Variants in UNC5C observed in about 807,000 individuals in gnomAD.
The protein encoded by UNC5C is netrin receptor UNC5C.
A neutral mutation model predicts 99.8 loss-of-function variants in UNC5C; 47 were observed. The ratio of observed to expected loss-of-function variants is 0.47; its 90% CI spans 0.37 to 0.60. The LOEUF (loss-of-function observed/expected upper bound fraction) is 0.60, where lower values mean the gene tolerates loss of function less well. Among genes scored for constraint, UNC5C ranks in the 20% least tolerant of loss-of-function variants. The pLI is 0.00. For synonymous variants in UNC5C, 487 were observed against 452.2 expected, an observed-to-expected ratio of 1.08 and a Z score of -0.98; for missense variants, 1,062 against 1,165.9, an observed-to-expected ratio of 0.91 and a Z score of 1.30.
chr4:95,229,797 CTTTTTTTT>C (rs71583694), intron 7 of UNC5C, among the ~76,000 whole-genome samples: 238 of 79,526 alleles, frequency 3.0e-3, no homozygotes, highest in African/African-American at 7.6e-3. Flanking sequence ...CTGTTGTTTC[CTTTTTTTT>C]TTTTTTTTTT....
At chr4:95,285,640 T>C (rs1199210938) in intron 3 of UNC5C, among the ~76,000 whole-genome samples, 1 of 152,206 alleles carries the variant, frequency 6.6e-6, no homozygotes, top group Non-Finnish European at 1.5e-5. Flanking sequence ...TTCAGGTTTA[T>C]TGCTGTTTTT....
In UNC5C at chr4:95,380,443, A is replaced by ATT. The variant is rs10560399; in HGVS notation, c.125-44814_125-44813dup. Reference sequence around the variant, plus strand: ...TCCTCATGTCTAATACTTAAGAAACATTTTTTTTTTTTTTTTTTGAGAGAC... The same window carrying ATT: ...TCCTCATGTCTAATACTTAAGAAACATTTTTTTTTTTTTTTTTTTTGAGAGAC... On this transcript the variant is annotated intron_variant, in intron 1 of 15. Coordinates refer to ENST00000453304, the MANE Select transcript of UNC5C (RefSeq NM_003728.4). Among the ~76,000 whole-genome samples, 359 of 132,934 alleles carry ATT rather than the reference A, an allele frequency of 2.7e-3. 1 individual carries two copies. Among genetic ancestry groups the ATT allele is most frequent in the African/African-American group, 6.0e-3 (216 of 35,956 alleles). The allele number at this position is 132,934 out of a possible 152,430, so 87.2% of individuals were successfully genotyped here.
At chr4:95,246,896 A>G (rs929999189) in intron 5 of UNC5C, among the ~76,000 whole-genome samples, 3 of 151,794 alleles carry the variant, frequency 2.0e-5, no homozygotes, top group Non-Finnish European at 4.4e-5. Flanking sequence ...ACAAAAATTA[A>G]CCAGGTGTGA....
intron 3 of UNC5C, among the ~76,000 whole-genome samples, chr4:95,293,423 C>G (rs1257922215): frequency 6.6e-6 from 1 of 150,708 alleles, no homozygotes; most frequent in Non-Finnish European, 1.5e-5. Context: ...CTGCCTCAGC[C>G]TTCTGGGCTG....
chr4:95,301,221 A>T (rs1165794484), intron 3 of UNC5C, among the ~76,000 whole-genome samples: 1 of 128,564 alleles, frequency 7.8e-6, no homozygotes, highest in African/African-American at 2.9e-5. Flanking sequence ...TTTTTGAGAC[A>T]GTCTTGCTCT....
intron 1 of UNC5C, among the ~76,000 whole-genome samples, chr4:95,515,754 C>T (rs555155873): frequency 2.0e-5 from 3 of 152,092 alleles, no homozygotes; most frequent in Admixed American, 6.6e-5. Context: ...CATCCTAAAA[C>T]GAAGGTCAAT....
chr4:95,258,907 G>T (rs1427277059), intron 4 of UNC5C, among the ~76,000 whole-genome samples: 1 of 149,760 alleles, frequency 6.7e-6, no homozygotes, highest in East Asian at 2.0e-4. Flanking sequence ...GACTACAGGC[G>T]CCCGCCACTG....
intron 1 of UNC5C, among the ~76,000 whole-genome samples, chr4:95,538,541 G>T (rs1382949318): frequency 3.3e-5 from 5 of 152,054 alleles, no homozygotes; most frequent in Non-Finnish European, 7.4e-5. Context: ...ACTTTGTAAT[G>T]CATTATTATT....
chr4:95,396,593 C>T (rs1438114739), intron 1 of UNC5C, among the ~76,000 whole-genome samples: 8 of 152,090 alleles, frequency 5.3e-5, no homozygotes, highest in Non-Finnish European at 1.0e-4. Context: ...AGATGGAGTC[C>T]ACCACTGGAG....
chr4:95,271,365 C>T (rs1462763989), intron 4 of UNC5C, among the ~76,000 whole-genome samples: 2 of 151,932 alleles, frequency 1.3e-5, no homozygotes, highest in Non-Finnish European at 1.5e-5. Context: ...GTAGCTGGGA[C>T]TACAGGCGCC....
chr4:95,235,376 G>C (rs1043675999), intron 7 of UNC5C, among the ~76,000 whole-genome samples: 1 of 152,084 alleles, frequency 6.6e-6, no homozygotes, highest in African/African-American at 2.4e-5. Flanking sequence ...GTAGATTCTG[G>C]ATATTAGCCC....
chr4:95,455,690 C>T (rs368915590), intron 1 of UNC5C, among the ~76,000 whole-genome samples: 1 of 151,918 alleles, frequency 6.6e-6, no homozygotes, highest in South Asian at 2.1e-4. Context: ...TGATTCTGAG[C>T]AACCTTTATT....
intron 12 of UNC5C, among the ~76,000 whole-genome samples, chr4:95,196,157 C>T (rs1466155703): frequency 6.6e-6 from 1 of 152,104 alleles, no homozygotes; most frequent in Non-Finnish European, 1.5e-5. Flanking sequence ...TGTTTTTAAA[C>T]TTACTCCAAA....
chr4:95,295,710 A>C (rs1256171911), intron 3 of UNC5C, among the ~76,000 whole-genome samples: 1 of 152,216 alleles, frequency 6.6e-6, no homozygotes, highest in Non-Finnish European at 1.5e-5. Context: ...GTTTAAACTT[A>C]AGTTGCCATT....
chr4:95,535,858 T>C (rs1722759402), intron 1 of UNC5C, among the ~76,000 whole-genome samples: 1 of 151,990 alleles, frequency 6.6e-6, no homozygotes, highest in South Asian at 2.1e-4. Flanking sequence ...AGTACATTTT[T>C]AATTCTCTAG....
At position 95,354,480 on chromosome 4, in the gene UNC5C, T is replaced by TATATA. The variant is rs760696053; in HGVS notation, c.125-18850_125-18849insTATAT. On this transcript the variant is annotated intron_variant, in intron 1 of 15. Transcript: ENST00000453304. ...TACCTAACTCTTCCATATATATATA[T>TATATA]TTTTTTTTTTTTTTTAAGAGACAGG... 2.6e-3 allele frequency among the ~76,000 whole-genome samples: 279 copies of TATATA among 105,642 alleles called. 3 individuals carry two copies. Among genetic ancestry groups the TATATA allele is most frequent in the African/African-American group, 0.011 (258 of 24,502 alleles). The allele number at this position is 105,642 out of a possible 152,430, so 69.3% of individuals were successfully genotyped here.
chr4:95,320,228 C>T (rs1269258769), intron 2 of UNC5C, among the ~76,000 whole-genome samples: 1 of 151,910 alleles, frequency 6.6e-6, no homozygotes, highest in Non-Finnish European at 1.5e-5. Context: ...TCGAGACCAG[C>T]CTGGCCAACA....
intron 1 of UNC5C, among the ~76,000 whole-genome samples, chr4:95,520,882 A>G (rs533858335): frequency 5.1e-4 from 78 of 152,062 alleles, no homozygotes; most frequent in African/African-American, 1.8e-3. Context: ...TACAAGCGTG[A>G]GCCACCGCGC....
chr4:95,526,718 G>C (rs1056796602), intron 1 of UNC5C, among the ~76,000 whole-genome samples: 1 of 151,796 alleles, frequency 6.6e-6, no homozygotes, highest in Non-Finnish European at 1.5e-5. Flanking sequence ...AGTTGAATAT[G>C]GGGCCTAAAT....
Sources: allele counts gnomAD v4.1 joint callset (sites outside exome capture counted in the v4.1 genomes callset), GRCh38; gene constraint gnomAD v4.1.1; transcripts MANE v1.5; gene names NCBI Gene and HGNC (gene_info 2026-07-23, HGNC 2026-07-21).